DCC: variants seen among roughly 807,000 people sequenced by gnomAD.
DCC encodes the protein DCC netrin 1 receptor.
DCC carries 58 observed loss-of-function variants against 172.5 expected under a neutral mutation model. That is an observed-to-expected ratio of 0.34 (90% confidence interval 0.27 to 0.42). The LOEUF is 0.42. Among genes scored for constraint, DCC ranks in the 10% least tolerant of loss-of-function variants. DCC has a pLI of 1.00. For synonymous variants in DCC, 709 were observed against 644.5 expected (o/e 1.10, Z -1.52); for missense variants, 1,740 against 1,791.0 (o/e 0.97, Z 0.51).
intron 7 of DCC, among the ~76,000 whole-genome samples, chr18:53,120,566 C>T (rs73957095): frequency 0.04 from 6,078 of 151,420 alleles, 385 homozygotes; most frequent in African/African-American, 0.14. Flanking sequence ...TTTGAATTTA[C>T]AAAAAAATCA....
intron 5 of DCC, among the ~76,000 whole-genome samples, chr18:53,008,358 G>A (rs913509280): frequency 6.6e-6 from 1 of 151,916 alleles, no homozygotes; most frequent in African/African-American, 2.4e-5. Flanking sequence ...CATTTAATTT[G>A]CTTCCATGGA....
chr18:53,164,724 A>C lies in DCC; in HGVS notation c.1418+7212A>C, dbSNP rs554758924. 2.5e-4 allele frequency among the ~76,000 whole-genome samples: 38 copies of C among 152,332 alleles called. No individual in the cohort carries two copies. In the South Asian group the frequency reaches 7.7e-3, roughly 31 times the overall value. On this transcript the variant is annotated intron_variant, in intron 8 of 28. Transcript: ENST00000442544. ...GCACCCACAACATTCCATTCTTATTAGCTAATGCCATGTGCAAATCATCAT... is the reference window on the plus strand; with the variant it reads ...GCACCCACAACATTCCATTCTTATTCGCTAATGCCATGTGCAAATCATCAT...
At chr18:52,836,222 G>T (rs1408825237) in intron 2 of DCC, among the ~76,000 whole-genome samples, 1 of 152,196 alleles carries the variant, frequency 6.6e-6, no homozygotes, top group African/African-American at 2.4e-5. Context: ...GGAACTACAA[G>T]ATGAGATTTG....
At chr18:53,400,798 TA>T (rs1909250857) in intron 18 of DCC, among the ~76,000 whole-genome samples, 1 of 152,186 alleles carries the variant, frequency 6.6e-6, no homozygotes, top group Admixed American at 6.5e-5. Context: ...TATTGATAGC[TA>T]AAGTTGAAGA....
At chr18:52,360,082 A>T (rs201191995) in intron 1 of DCC, among the ~76,000 whole-genome samples, 4 of 151,744 alleles carry the variant, frequency 2.6e-5, no homozygotes, top group African/African-American at 9.7e-5. Context: ...ATTGCTTTTT[A>T]TTTTTTTGCA....
At chr18:52,366,078 C>G (rs191477090) in intron 1 of DCC, among the ~76,000 whole-genome samples, 8 of 152,186 alleles carry the variant, frequency 5.3e-5, no homozygotes, top group Non-Finnish European at 1.2e-4. Context: ...TTTGTAATGC[C>G]TATCATTTTT....
intron 15 of DCC, among the ~76,000 whole-genome samples, chr18:53,344,075 C>G (rs939455810): frequency 7.9e-5 from 12 of 151,786 alleles, no homozygotes; most frequent in African/African-American, 2.4e-4. Flanking sequence ...AAAGAAAGAG[C>G]CTTTGACATT....
intron 17 of DCC, among the ~76,000 whole-genome samples, chr18:53,393,914 C>CCTCTCTCTCTCTCTCTCTCTCTCT (rs1323959382): frequency 1.9e-5 from 2 of 108,050 alleles, no homozygotes; most frequent in Non-Finnish European, 4.6e-5. Context: ...TCTCTCTCTC[C>CCTCTCTCTCTCTCTCTCTCTCTCT]CTCTCTCCCT....
intron 15 of DCC, among the ~76,000 whole-genome samples, chr18:53,379,358 G>T (rs749913218): frequency 1.3e-5 from 2 of 152,198 alleles, no homozygotes; most frequent in Non-Finnish European, 2.9e-5. Flanking sequence ...AAGGACTCTG[G>T]GCTGTCAATC....
chr18:52,345,014 A>C (rs374095349), intron 1 of DCC, among the ~76,000 whole-genome samples: 1 of 152,208 alleles, frequency 6.6e-6, no homozygotes, highest in South Asian at 2.1e-4. Context: ...GCCTGATTAC[A>C]GATCTTCCTA....
rs190131441 is a variant in DCC, at chr18:53,066,576, T to C, written c.1261+410T>C. 1.5e-3 allele frequency among the ~76,000 whole-genome samples: 223 copies of C among 151,022 alleles called. 2 individuals are homozygous for C. The highest frequency in any genetic ancestry group is 0.012 in the South Asian group (57 of 4,776). On this transcript the variant is annotated intron_variant, in intron 7 of 28. Transcript: ENST00000442544. ...CAGCATTCCATTTAAATATAAAATA[T>C]ATAATATATACCTTGCATATATGTT...
intron 1 of DCC, among the ~76,000 whole-genome samples, chr18:52,568,523 T>C (rs550150686): frequency 1.7e-4 from 26 of 152,350 alleles, no homozygotes; most frequent in African/African-American, 5.3e-4. Flanking sequence ...GAGACCAGCA[T>C]GCAGTGTGTG....
chr18:53,509,376 C>T (rs2046223008), intron 27 of DCC, among the ~76,000 whole-genome samples: 1 of 152,216 alleles, frequency 6.6e-6, no homozygotes, highest in Admixed American at 6.5e-5. Flanking sequence ...TCAGCATGGA[C>T]ATGGCTATCA....
At chr18:52,865,093 C>T (rs552495960) in intron 2 of DCC, among the ~76,000 whole-genome samples, 86 of 152,160 alleles carry the variant, frequency 5.7e-4, no homozygotes, top group African/African-American at 2.0e-3. Flanking sequence ...TCTTGATCTC[C>T]TGACCTCGTG....
chr18:52,849,099 G>GTGTT (rs2038936800), intron 2 of DCC, among the ~76,000 whole-genome samples: 1 of 152,106 alleles, frequency 6.6e-6, no homozygotes, highest in African/African-American at 2.4e-5. Flanking sequence ...TACTCTGTGT[G>GTGTT]TGTGTGTGTG....
At chr18:52,865,948 G>GTTTGA (rs1167170290) in intron 2 of DCC, among the ~76,000 whole-genome samples, 1 of 9,616 alleles carries the variant, frequency 1.0e-4, no homozygotes, top group Non-Finnish European at 4.3e-3. Context: ...TGCTTTTGGT[G>GTTTGA]GTTATGAAGT....
rs1234404416 is a variant in DCC, at chr18:52,340,844, A to G, written c.57A>G (p.Gly19=). The change falls in exon 1 of 29, where the codon GGA becomes GGG. Residue 19 remains glycine (G), a synonymous_variant. Transcript: ENST00000442544. The part of the protein sequence containing the change: ...WVPKLAFVLF[G]ASLFSAHLQV... ...CCAAGCTGGCTTTTGTACTCTTCGG[A>G]GCTTCCTTGTTCAGCGCGCATCTTC... 4 of 1,613,896 alleles carry G rather than the reference A, an allele frequency of 2.5e-6. No homozygotes were observed. Among genetic ancestry groups the G allele is most frequent in the Non-Finnish European group, 3.4e-6 (4 of 1,179,978 alleles).
chr18:52,761,908 C>CAAAAAAAAAAAAAAAAAAAAA (rs1222086354), intron 2 of DCC, among the ~76,000 whole-genome samples: 4 of 48,446 alleles, frequency 8.3e-5, no homozygotes, highest in African/African-American at 2.4e-4. Flanking sequence ...GACTCTGTCT[C>CAAAAAAAAAAAAAAAAAAAAA]AAAAAAAAAA....
chr18:53,070,842 A>G (rs8096828), intron 7 of DCC, among the ~76,000 whole-genome samples: 2,767 of 152,252 alleles, frequency 0.018, 90 homozygotes, highest in African/African-American at 0.062. Flanking sequence ...TTTCCTGGCT[A>G]TTTAATCAGG....
Sources: allele counts gnomAD v4.1 joint callset (sites outside exome capture counted in the v4.1 genomes callset), GRCh38; gene constraint gnomAD v4.1.1; transcripts MANE v1.5; gene names NCBI Gene and HGNC (gene_info 2026-07-23, HGNC 2026-07-21).